Variants in TMEM132C observed in about 807,000 individuals in gnomAD.
The protein encoded by TMEM132C is transmembrane protein 132C.
Under a neutral mutation model 61.4 loss-of-function variants are expected in TMEM132C, and 29 were observed. The observed-to-expected ratio is 0.47, with a 90% CI of 0.35 to 0.64. TMEM132C has a LOEUF of 0.64. TMEM132C is among the 30% of genes least tolerant of loss of function. The pLI is 0.00. For missense variants in TMEM132C, 1,408 were observed against 1,476.9 expected, an observed-to-expected ratio of 0.95 and a Z score of 0.76; for synonymous variants, 656 against 633.1, an observed-to-expected ratio of 1.04 and a Z score of -0.54.
chr12:128,666,051 A>T (rs1242701843), intron 4 of TMEM132C, among the ~76,000 whole-genome samples: 5,223 of 138,324 alleles, frequency 0.038, 462 homozygotes, highest in African/African-American at 0.14. Context: ...TCATACACAA[A>T]CACAGGCACT....
chr12:128,386,342 C>T (rs896582631), intron 1 of TMEM132C, among the ~76,000 whole-genome samples: 1 of 152,214 alleles, frequency 6.6e-6, no homozygotes, highest in Non-Finnish European at 1.5e-5. Flanking sequence ...AGGGCCAACG[C>T]TTGCCTTTGA....
intron 3 of TMEM132C, among the ~76,000 whole-genome samples, chr12:128,559,096 AACACAC>A (rs368220802): frequency 4.0e-5 from 6 of 149,128 alleles, no homozygotes; most frequent in African/African-American, 1.5e-4. Context: ...TGCATATGCA[AACACAC>A]ACACACACAC....
intron 3 of TMEM132C, among the ~76,000 whole-genome samples, chr12:128,615,410 A>G (rs1047860601): frequency 6.6e-6 from 1 of 152,232 alleles, no homozygotes; most frequent in Non-Finnish European, 1.5e-5. Flanking sequence ...ATAATGAACT[A>G]ATTACATAAG....
At chr12:128,587,750 G>T (rs1257262218) in intron 3 of TMEM132C, among the ~76,000 whole-genome samples, 1 of 152,144 alleles carries the variant, frequency 6.6e-6, no homozygotes, top group Non-Finnish European at 1.5e-5. Flanking sequence ...TATTGGCAAG[G>T]GAATCTCACT....
At chr12:128,646,687 C>T (rs1399794469) in intron 4 of TMEM132C, among the ~76,000 whole-genome samples, 6 of 151,298 alleles carry the variant, frequency 4.0e-5, no homozygotes, top group East Asian at 4.0e-4. Context: ...TGGAGTCCAT[C>T]GGCGTTGGAT....
chr12:128,577,319 T>C (rs1875149240), intron 3 of TMEM132C, among the ~76,000 whole-genome samples: 1 of 152,266 alleles, frequency 6.6e-6, no homozygotes, highest in Non-Finnish European at 1.5e-5. Context: ...GGACCTGTGC[T>C]CTTAGTCCCA....
intron 2 of TMEM132C, among the ~76,000 whole-genome samples, chr12:128,434,511 C>A (rs746266899): frequency 3.9e-5 from 6 of 152,140 alleles, no homozygotes; most frequent in Non-Finnish European, 8.8e-5. Flanking sequence ...TGGTCTTGAA[C>A]TCCTGACCTC....
At chr12:128,476,063 A>G (rs200785213) in intron 2 of TMEM132C, among the ~76,000 whole-genome samples, 2 of 152,180 alleles carry the variant, frequency 1.3e-5, no homozygotes, top group Admixed American at 6.5e-5. Flanking sequence ...TGAGCTTGCA[A>G]CTGAGTTCCT....
chr12:128,500,617 G>A (rs894889586), intron 2 of TMEM132C, among the ~76,000 whole-genome samples: 35 of 151,996 alleles, frequency 2.3e-4, no homozygotes, highest in African/African-American at 8.0e-4. Flanking sequence ...AGTCATTAGG[G>A]AAATACAGAG....
chr12:128,339,966 A>G (rs543122663), intron 1 of TMEM132C, among the ~76,000 whole-genome samples: 1 of 152,260 alleles, frequency 6.6e-6, no homozygotes, highest in African/African-American at 2.4e-5. Flanking sequence ...CTTGGTCATC[A>G]ATGCAACTGT....
intron 2 of TMEM132C, among the ~76,000 whole-genome samples, chr12:128,508,825 G>A (rs1350962574): frequency 6.6e-6 from 1 of 152,208 alleles, no homozygotes; most frequent in Non-Finnish European, 1.5e-5. Flanking sequence ...TGTGAAAGTG[G>A]CATGAGGGTC....
chr12:128,407,853 T>A (rs961528425), intron 1 of TMEM132C, among the ~76,000 whole-genome samples: 7 of 152,204 alleles, frequency 4.6e-5, no homozygotes, highest in African/African-American at 1.7e-4. Flanking sequence ...AGGTTGTAGA[T>A]AAGCGTGTAG....
intron 1 of TMEM132C, among the ~76,000 whole-genome samples, chr12:128,357,692 C>CAAAA (rs751246246): frequency 1.4e-5 from 1 of 71,306 alleles, no homozygotes; most frequent in Non-Finnish European, 3.1e-5. Flanking sequence ...GACTCCGTCT[C>CAAAA]AAAAAAAAAA....
intron 1 of TMEM132C, among the ~76,000 whole-genome samples, chr12:128,368,514 G>A (rs910611687): frequency 3.9e-5 from 6 of 152,144 alleles, no homozygotes; most frequent in Non-Finnish European, 8.8e-5. Flanking sequence ...TAATCGCTCC[G>A]GTTCCTGACA....
At chr12:128,580,992 G>A (rs1043148761) in intron 3 of TMEM132C, among the ~76,000 whole-genome samples, 12 of 151,970 alleles carry the variant, frequency 7.9e-5, no homozygotes, top group Middle Eastern at 3.4e-3. Context: ...AATGTCCTGC[G>A]GGGGGAAAAA....
intron 1 of TMEM132C, among the ~76,000 whole-genome samples, chr12:128,360,532 G>A (rs1290786237): frequency 6.6e-6 from 1 of 152,136 alleles, no homozygotes; most frequent in Non-Finnish European, 1.5e-5. Flanking sequence ...GGCACCCCCA[G>A]TTCCTCAGGG....
At chr12:128,527,930 T>A (rs1255580471) in intron 2 of TMEM132C, among the ~76,000 whole-genome samples, 2 of 152,178 alleles carry the variant, frequency 1.3e-5, no homozygotes, top group Non-Finnish European at 2.9e-5. Context: ...TGGTTTCTTT[T>A]TTCTCATCTG....
chr12:128,366,049 G>A (rs1322866158), intron 1 of TMEM132C, among the ~76,000 whole-genome samples: 1 of 152,214 alleles, frequency 6.6e-6, no homozygotes, highest in Non-Finnish European at 1.5e-5. Context: ...TGCCGAGATG[G>A]TGTTTCGGAA....
rs561005958 is a variant in TMEM132C, at chr12:128,335,668, G to T, written c.85+68181G>T. Among the ~76,000 whole-genome samples the T allele has an allele frequency of 4.6e-5, 7 of 152,288 alleles. No individual in the cohort carries two copies. In the East Asian group the frequency reaches 9.6e-4, roughly 21 times the overall value. ...TAAAACAAGTACAATAACATGTCAGGTTCTTTCAGTAACTACGTGATGAAG... is the reference window on the plus strand; with the variant it reads ...TAAAACAAGTACAATAACATGTCAGTTTCTTTCAGTAACTACGTGATGAAG... On this transcript the variant is annotated intron_variant, in intron 1 of 8. Coordinates refer to ENST00000435159, the MANE Select transcript of TMEM132C (RefSeq NM_001136103.3).
Sources: gnomAD v4.1 joint callset for allele counts (sites outside exome capture counted in the v4.1 genomes callset) on GRCh38, gnomAD v4.1.1 for gene constraint, MANE v1.5 for transcripts, NCBI Gene and HGNC (gene_info 2026-07-23, HGNC 2026-07-21) for gene names.